Variants in NEB observed in about 807,000 individuals in gnomAD.
NEB encodes the protein nebulin.
A neutral mutation model predicts 952.2 loss-of-function variants in NEB; 512 were observed. The ratio of observed to expected loss-of-function variants is 0.54; its 90% confidence interval spans 0.50 to 0.58. The LOEUF is 0.58. Ranked by LOEUF, NEB falls within the 20% of genes least tolerant of loss-of-function variation. The probability of loss-of-function intolerance (pLI) is 0.00; values close to 1 mark genes in which losing one functional copy is unlikely to be tolerated. For missense variants in NEB, 8,428 were observed against 9,231.1 expected (o/e 0.91, Z 3.56); for synonymous variants, 2,900 against 3,149.8 (o/e 0.92, Z 2.66).
chr2:151,651,899 TCTGAC>T (rs1363335612), intron 52 of NEB, among the ~76,000 whole-genome samples: 1 of 152,190 alleles, frequency 6.6e-6, no homozygotes, highest in Non-Finnish European at 1.5e-5. Flanking sequence ...AAATAAGCTT[TCTGAC>T]CTGACCTTCC....
chr2:151,634,048 A>G lies in NEB; in HGVS notation c.9103-83T>C, dbSNP rs2098714045. 2.8e-6 allele frequency: 4 copies of G among 1,435,076 alleles called. No homozygotes were observed. The East Asian group carries it at 9.2e-5, about 33-fold the overall frequency. 88.9% of individuals were successfully genotyped at this position (1,435,076 alleles called of 1,614,324 possible). ...TGTGCAAAATCAACTTGCTTACATCATACTTCAACTGACTTTTGTTAACAA... is the reference window on the plus strand; with the variant it reads ...TGTGCAAAATCAACTTGCTTACATCGTACTTCAACTGACTTTTGTTAACAA... On this transcript the variant is annotated intron_variant, in intron 64 of 181. Coordinates refer to ENST00000397345, the MANE Select transcript of NEB (RefSeq NM_001164508.2).
In NEB at chr2:151,525,940, C is replaced by T. The variant is rs6721666; in HGVS notation, c.22161+18G>A. 2 of 1,590,048 alleles carry T rather than the reference C, an allele frequency of 1.3e-6. No homozygotes were observed. Among genetic ancestry groups the T allele is most frequent in the Non-Finnish European group, 1.7e-6 (2 of 1,158,346 alleles). On this transcript the variant is annotated intron_variant, in intron 150 of 181. Coordinates refer to ENST00000397345, the MANE Select transcript of NEB (RefSeq NM_001164508.2). The stretch of plus-strand genomic sequence containing the variant: ...AGTGGCATTGTTGCTGCCAAGAGAC[C>T]GGTGGTTGATCACTTACATCACTGA...
At chr2:151,621,770 TA>T (rs2098421401) in intron 71 of NEB, among the ~76,000 whole-genome samples, 1 of 152,198 alleles carries the variant, frequency 6.6e-6, no homozygotes, top group South Asian at 2.1e-4. Context: ...GAACCAGTGA[TA>T]AAAATTTTGA....
intron 112 of NEB, 58 bp downstream of exon 112, chr2:151,568,258 G>A: frequency 6.3e-7 from 1 of 1,590,762 alleles, no homozygotes; most frequent in African/African-American, 1.3e-5. Flanking sequence ...TTATCCTACA[G>A]TTCCATTAAG....
rs777342340 is a variant in NEB, at chr2:151,562,233, A to G, written c.18892-19T>C. ...ACACATTCTGCAAGAAAGAGAGAAC[A>G]ATGAAATGTGGAAGGTATTCTGAAT... is the stretch of plus-strand genomic sequence containing the variant. On this transcript the variant is annotated intron_variant, in intron 120 of 181. Transcript: ENST00000397345. 5.2e-6 allele frequency: 8 copies of G among 1,551,646 alleles called. No homozygotes were observed. The Admixed American group carries it at 6.7e-5, about 13-fold the overall frequency.
chr2:151,619,408 A>G (rs763641377), intron 73 of NEB, 43 bp downstream of exon 73: 2 of 1,535,304 alleles, frequency 1.3e-6, no homozygotes, highest in South Asian at 1.3e-5. Flanking sequence ...GACACGTTTC[A>G]GATCCGCTTT....
intron 141 of NEB, among the ~76,000 whole-genome samples, chr2:151,536,853 G>A (rs1309016434): frequency 6.6e-6 from 1 of 152,106 alleles, no homozygotes; most frequent in African/African-American, 2.4e-5. Context: ...TTTAATAGGA[G>A]AAACCACCCA....
At chr2:151,638,390 G>A (rs1553960201) in intron 63 of NEB, among the ~76,000 whole-genome samples, 1 of 152,212 alleles carries the variant, frequency 6.6e-6, no homozygotes, top group Non-Finnish European at 1.5e-5. Context: ...TGTGAGGAAT[G>A]CCCCGCAGCT....
chr2:151,506,182 T>C lies in NEB; in HGVS notation c.23633A>G (p.Gln7878Arg). The C allele has an allele frequency of 6.2e-7, 1 of 1,612,458 alleles. No individual in the cohort carries two copies. Among genetic ancestry groups the C allele is most frequent in the Non-Finnish European group, 8.5e-7 (1 of 1,178,438 alleles). The change falls in exon 164 of 182, where the codon CAG (glutamine) becomes CGG (arginine). Residue 7878 changes from glutamine to arginine, a missense_variant. This residue lies in a region of NEB where 3,374 missense variants were observed against 3,651.5 expected (regional missense o/e 0.92). Coordinates refer to ENST00000397345, the MANE Select transcript of NEB (RefSeq NM_001164508.2). ...TPEMMRVKQTQDHISSVKYKE... is the reference protein window; with the variant it reads ...TPEMMRVKQTRDHISSVKYKE... Reference sequence around the variant, plus strand: ...TGTCTTTACCGAGCTAATGTGGTCCTGTGTTTGTTTCACTCTCATCATCTC... The same window carrying C: ...TGTCTTTACCGAGCTAATGTGGTCCCGTGTTTGTTTCACTCTCATCATCTC...
chr2:151,493,283 C>T (rs1171492723), intron 176 of NEB, 70 bp downstream of exon 176: 20 of 1,150,278 alleles, frequency 1.7e-5, no homozygotes, highest in South Asian at 5.6e-5. Context: ...ATGAGAAAGG[C>T]GTGTTTTTAT....
intron 81 of NEB, 140 bp downstream of exon 81, chr2:151,609,669 A>G: frequency 1.6e-6 from 1 of 620,212 alleles, no homozygotes; most frequent in South Asian, 4.2e-5. Flanking sequence ...TTTATATTAA[A>G]CAATGTGAAT....
At chr2:151,510,091 A>T (rs2072923196) in intron 161 of NEB, among the ~76,000 whole-genome samples, 1 of 152,188 alleles carries the variant, frequency 6.6e-6, no homozygotes, top group African/African-American at 2.4e-5. Context: ...CTGAGTTCTG[A>T]AGACCTTCCT....
chr2:151,641,732 T>C (rs1219506390), intron 60 of NEB, among the ~76,000 whole-genome samples: 1 of 152,152 alleles, frequency 6.6e-6, no homozygotes, highest in African/African-American at 2.4e-5. Flanking sequence ...TCCCATATTT[T>C]GGAAATAAAG....
At chr2:151,566,070 A>G (rs1409063494) in intron 114 of NEB, among the ~76,000 whole-genome samples, 1 of 152,228 alleles carries the variant, frequency 6.6e-6, no homozygotes, top group African/African-American at 2.4e-5. Flanking sequence ...TTATAAAGCA[A>G]GAAGTGCTGT....
intron 8 of NEB, among the ~76,000 whole-genome samples, chr2:151,723,750 G>GTTTTTTTTTTTTTTTTTTT (rs11308757): frequency 7.8e-5 from 4 of 51,364 alleles, no homozygotes; most frequent in Admixed American, 2.5e-4. Flanking sequence ...TGCCTTCTTT[G>GTTTTTTTTTTTTTTTTTTT]TTTTTTTTTT....
intron 29 of NEB, 59 bp from the exon 30 acceptor site, chr2:151,680,887 C>T (rs1251210590): frequency 1.5e-6 from 2 of 1,294,796 alleles, no homozygotes; most frequent in East Asian, 4.6e-5. Flanking sequence ...ATTAATACGT[C>T]AAAATCCTTG....
In NEB at chr2:151,633,803, G is replaced by C; in HGVS notation, c.9265C>G (p.Pro3089Ala). 6.2e-7 allele frequency: 1 copy of C among 1,613,898 alleles called. No individual in the cohort carries two copies. The highest frequency in any genetic ancestry group is 8.5e-7 in the Non-Finnish European group (1 of 1,179,870). The stretch of plus-strand genomic sequence containing the variant: ...AGCACCACCCCCAGCATGTCCACTG[G>C]GCTGCTGAACTTGGTCTTCCACTTC... ...FEKWKTKFSS[P>A]VDMLGVVLAK... The change falls in exon 65 of 182, where the codon CCA becomes GCA. Residue 3089 changes from proline to alanine, a missense_variant. Pro to Ala is a conservative substitution (Grantham distance 27). Around this residue, in one of 11 missense-constraint regions of NEB, gnomAD observed 1,772 missense variants for 1,960.3 expected, o/e 0.90. Coordinates refer to ENST00000397345, the MANE Select transcript of NEB (RefSeq NM_001164508.2).
chr2:151,715,535 G>T (rs897167613), intron 10 of NEB, among the ~76,000 whole-genome samples: 1 of 152,184 alleles, frequency 6.6e-6, no homozygotes, highest in Non-Finnish European at 1.5e-5. Context: ...ACCCCATAAT[G>T]AGATTATCAT....
intron 53 of NEB, 29 bp downstream of exon 53, chr2:151,650,545 A>C (rs749945086): frequency 6.6e-7 from 1 of 1,524,540 alleles, no homozygotes; most frequent in Admixed American, 2.2e-5. Context: ...GAATTAATAT[A>C]TAAACTATTG....
Sources: gnomAD v4.1 joint callset for allele counts (sites outside exome capture counted in the v4.1 genomes callset) on GRCh38, gnomAD v4.1.1 for gene constraint, gnomAD v4.1.1 regional missense constraint, MANE v1.5 for transcripts, NCBI Gene and HGNC (gene_info 2026-07-23, HGNC 2026-07-21) for gene names.